The following TGFBR1 variants were observed in gnomAD, a reference collection of about 807,000 sequenced individuals.
The protein encoded by TGFBR1 is transforming growth factor beta receptor 1.
In TGFBR1, 20 loss-of-function variants were observed where a neutral mutation model predicts 55.1. The ratio of observed to expected loss-of-function variants is 0.36; its 90% CI spans 0.26 to 0.53. TGFBR1 has a LOEUF of 0.53. Ranked by LOEUF, TGFBR1 falls within the 20% of genes least tolerant of loss-of-function variation. TGFBR1 has a pLI of 0.91. For synonymous variants in TGFBR1, 220 were observed against 214.8 expected (o/e 1.02, Z -0.21); for missense variants, 385 against 617.6 (o/e 0.62, Z 3.99).
At chr9:99,115,011 A>T (rs1826695693) in intron 1 of TGFBR1, among the ~76,000 whole-genome samples, 1 of 152,202 alleles carries the variant, frequency 6.6e-6, no homozygotes, top group African/African-American at 2.4e-5. Context: ...CATGGAAAAG[A>T]TAGGCACGTA....
intron 5 of TGFBR1, 150 bp from the exon 6 acceptor site, chr9:99,144,582 T>C (rs1254031012): frequency 1.3e-6 from 1 of 788,108 alleles, no homozygotes; most frequent in Non-Finnish European, 2.1e-6. Flanking sequence ...AGTGATTCAC[T>C]TGAGTTTAAT....
At chr9:99,111,893 A>G (rs1826593587) in intron 1 of TGFBR1, among the ~76,000 whole-genome samples, 1 of 152,198 alleles carries the variant, frequency 6.6e-6, no homozygotes, top group Non-Finnish European at 1.5e-5. Flanking sequence ...CAGACTCAGT[A>G]CTAGCAACCA....
intron 1 of TGFBR1, 93 bp from the exon 2 acceptor site, chr9:99,128,759 GATA>G: frequency 6.7e-7 from 1 of 1,494,928 alleles, no homozygotes; most frequent in South Asian, 1.1e-5. Flanking sequence ...GAAATTGTGT[GATA>G]ATAGGATCAA....
chr9:99,129,325 C>G (rs1827143134), intron 2 of TGFBR1, among the ~76,000 whole-genome samples: 1 of 152,134 alleles, frequency 6.6e-6, no homozygotes, highest in African/African-American at 2.4e-5. Context: ...CCTCTGAGGT[C>G]TGTTATACCT....
rs1167721069 is a variant in TGFBR1 at position 99,138,049 on chromosome 9, T to A, written c.765T>A (p.Arg255=). The A allele has an allele frequency of 6.2e-7, 1 of 1,614,074 alleles. No homozygotes were observed. The highest frequency in any genetic ancestry group is 1.7e-5 in the Admixed American group (1 of 60,016). ...EAEIYQTVML[R]HENILGFIAA... Reference sequence around the variant, plus strand: ...AGATTTATCAAACTGTAATGTTACGTCATGAAAACATCCTGGGATTTATAG... The same window carrying A: ...AGATTTATCAAACTGTAATGTTACGACATGAAAACATCCTGGGATTTATAG... Residue 255 remains arginine (R), a synonymous_variant, in exon 4 of 9, where the codon CGT becomes CGA. Coordinates refer to ENST00000374994, the MANE Select transcript of TGFBR1 (RefSeq NM_004612.4).
In TGFBR1 at chr9:99,137,902, G is replaced by T. The variant is rs1057523644; in HGVS notation, c.618G>T (p.Val206=). The change falls in exon 4 of 9, where the codon GTG becomes GTT. Residue 206 remains valine, a synonymous_variant. Transcript: ENST00000374994. The part of the protein sequence containing the change: ...LVQRTIARTI[V]LQESIGKGRF... Reference sequence around the variant, plus strand: ...AGAGAACAATTGCGAGAACTATTGTGTTACAAGAAAGCATTGGCAAAGGTC... The same window carrying T: ...AGAGAACAATTGCGAGAACTATTGTTTTACAAGAAAGCATTGGCAAAGGTC... The T allele has an allele frequency of 1.4e-5, 22 of 1,614,012 alleles. No homozygotes were observed. Among genetic ancestry groups the T allele is most frequent in the Non-Finnish European group, 1.7e-5 (20 of 1,179,936 alleles).
At chr9:99,120,042 A>T (rs1169381638) in intron 1 of TGFBR1, among the ~76,000 whole-genome samples, 1 of 152,228 alleles carries the variant, frequency 6.6e-6, no homozygotes, top group Non-Finnish European at 1.5e-5. Context: ...TGTGCTGGGC[A>T]CTGTGCTAAG....
At position 99,150,907 on chromosome 9, in the gene TGFBR1, C is replaced by T. The variant is rs1827962822; in HGVS notation, c.*1602C>T. 2 of 222,790 alleles carry T rather than the reference C, an allele frequency of 9.0e-6. No individual in the cohort carries two copies. Among genetic ancestry groups the T allele is most frequent in the Admixed American group, 5.7e-5 (1 of 17,400 alleles). 13.8% of individuals were successfully genotyped at this position (222,790 alleles called of 1,614,324 possible). A position where few individuals can be genotyped will look rare whatever the true frequency, so the allele number is the denominator to read the frequency against. ...GTCTCTGCAGGGCTTTTACAGTTTT[C>T]GAAGTCCTTTTATCACTGTGATCTT... On this transcript the variant is annotated 3_prime_UTR_variant, in exon 9 of 9. Transcript: ENST00000374994.
At chr9:99,136,148 C>T (rs979386085) in intron 3 of TGFBR1, among the ~76,000 whole-genome samples, 1 of 152,152 alleles carries the variant, frequency 6.6e-6, no homozygotes, top group Non-Finnish European at 1.5e-5. Flanking sequence ...AGTCACTGTG[C>T]CTGGCCAATT....
intron 1 of TGFBR1, among the ~76,000 whole-genome samples, chr9:99,116,064 G>T (rs1214833391): frequency 6.6e-6 from 1 of 151,514 alleles, no homozygotes; most frequent in Admixed American, 6.6e-5. Flanking sequence ...TTTCCATGGT[G>T]CATTGTCCTT....
chr9:99,136,169 T>C (rs1827433047), intron 3 of TGFBR1, among the ~76,000 whole-genome samples: 1 of 152,176 alleles, frequency 6.6e-6, no homozygotes, highest in South Asian at 2.1e-4. Context: ...GTTAACTTTT[T>C]AAAAATGCTC....
chr9:99,142,798 C>G, intron 5 of TGFBR1, 95 bp downstream of exon 5: 1 of 1,410,578 alleles, frequency 7.1e-7, no homozygotes, highest in South Asian at 1.2e-5. Context: ...GTGGCTCATG[C>G]CTATAATCCC....
At chr9:99,114,267 C>T (rs1470485247) in intron 1 of TGFBR1, among the ~76,000 whole-genome samples, 2 of 152,078 alleles carry the variant, frequency 1.3e-5, no homozygotes, top group Admixed American at 6.5e-5. Flanking sequence ...AAAAAGAGAA[C>T]AATTATCCGT....
chr9:99,134,812 A>T (rs927894437), intron 3 of TGFBR1, among the ~76,000 whole-genome samples: 3 of 30,800 alleles, frequency 9.7e-5, no homozygotes, highest in Admixed American at 8.2e-4. Flanking sequence ...TTATATATAT[A>T]TATATATATA....
chr9:99,131,687 A>G (rs954580974), intron 2 of TGFBR1, among the ~76,000 whole-genome samples: 7 of 152,214 alleles, frequency 4.6e-5, no homozygotes, highest in East Asian at 1.9e-4. Context: ...TGGTGGACCT[A>G]TTGGCCGGGC....
intron 6 of TGFBR1, 149 bp from the exon 7 acceptor site, chr9:99,146,336 T>C: frequency 2.1e-6 from 2 of 943,044 alleles, no homozygotes; most frequent in South Asian, 1.4e-5. Context: ...CAAACCAGTG[T>C]GGATATTTAA....
Position 99,144,705 on chromosome 9 carries a change from A to G in TGFBR1, c.974-27A>G, listed in dbSNP as rs771245148. ...TTGTGATTGGTATTACCTTTTAAGC[A>G]GTCATGTTTAATTTTTGATTCTTTA... On this transcript the variant is annotated intron_variant, in intron 5 of 8. Coordinates refer to ENST00000374994, the MANE Select transcript of TGFBR1 (RefSeq NM_004612.4). 5.0e-6 allele frequency: 8 copies of G among 1,613,152 alleles called. No individual in the cohort carries two copies. In the South Asian group the frequency reaches 8.8e-5, roughly 18 times the overall value.
At chr9:99,142,740 A>AT in intron 5 of TGFBR1, 37 bp downstream of exon 5, 1 of 1,607,776 alleles carries the variant, frequency 6.2e-7, no homozygotes, top group Non-Finnish European at 8.5e-7. Flanking sequence ...TAAGCTTTAA[A>AT]TTTTCATGAA....
chr9:99,117,327 G>T (rs1826775749), intron 1 of TGFBR1, among the ~76,000 whole-genome samples: 1 of 149,890 alleles, frequency 6.7e-6, no homozygotes, highest in African/African-American at 2.5e-5. Context: ...TCGAATTCCT[G>T]ACCTCAGGTG....
Sources: gnomAD v4.1 joint callset for allele counts (sites outside exome capture counted in the v4.1 genomes callset) on GRCh38, gnomAD v4.1.1 for gene constraint, MANE v1.5 for transcripts, NCBI Gene and HGNC (gene_info 2026-07-23, HGNC 2026-07-21) for gene names.